IP6K2: variants seen among roughly 807,000 people sequenced by gnomAD.
IP6K2 encodes the protein ATP:1D-myo-inositol-hexakisphosphate phosphotransferase.
A neutral mutation model predicts 43.3 loss-of-function variants in IP6K2; 9 were observed. That is an observed-to-expected ratio of 0.21 (90% CI 0.13 to 0.36). IP6K2 has a LOEUF of 0.36. Among genes scored for constraint, IP6K2 ranks in the 10% least tolerant of loss-of-function variants. The pLI, the probability that IP6K2 is intolerant of heterozygous loss-of-function variation, is 1.00. For synonymous variants in IP6K2, 209 were observed against 202.4 expected (o/e 1.03, Z -0.28); for missense variants, 332 against 538.4 (o/e 0.62, Z 3.79).
chr3:48,700,241 CA>C (rs1282865216), intron 1 of IP6K2, among the ~76,000 whole-genome samples: 3 of 152,084 alleles, frequency 2.0e-5, no homozygotes, highest in Non-Finnish European at 4.4e-5. Context: ...ATCAATTTTC[CA>C]AAGATTACAA....
intron 1 of IP6K2, among the ~76,000 whole-genome samples, chr3:48,714,347 G>A (rs2080918446): frequency 6.6e-6 from 1 of 151,764 alleles, no homozygotes; most frequent in Non-Finnish European, 1.5e-5. Flanking sequence ...TGTTACTGGC[G>A]TGAGCCACCA....
At chr3:48,704,366 G>T (rs2079442398) in intron 1 of IP6K2, among the ~76,000 whole-genome samples, 1 of 151,976 alleles carries the variant, frequency 6.6e-6, no homozygotes, top group South Asian at 2.1e-4. Flanking sequence ...GGAGATGAAT[G>T]AAACAAAAAT....
At chr3:48,712,873 C>T (rs905064828) in intron 1 of IP6K2, among the ~76,000 whole-genome samples, 4 of 151,868 alleles carry the variant, frequency 2.6e-5, no homozygotes, top group Admixed American at 6.6e-5. Flanking sequence ...ATTACCCAGG[C>T]GTGGTGGCAG....
At chr3:48,710,917 G>T (rs1265903200) in intron 1 of IP6K2, among the ~76,000 whole-genome samples, 1 of 151,936 alleles carries the variant, frequency 6.6e-6, no homozygotes, top group Non-Finnish European at 1.5e-5. Flanking sequence ...CCTTGTTTTT[G>T]TTTTTTTAAC....
At chr3:48,702,714 T>TCTGACATACTCTA (rs1210053741) in intron 1 of IP6K2, among the ~76,000 whole-genome samples, 1 of 152,168 alleles carries the variant, frequency 6.6e-6, no homozygotes, top group Non-Finnish European at 1.5e-5. Flanking sequence ...CTTATCACCG[T>TCTGACATACTCTA]CTGACATACT....
Position 48,693,059 on chromosome 3 carries a change from C to G in IP6K2, c.323G>C (p.Ser108Thr). ...GTTTGTTGTCCACCTTAGGAGCTTA[C>G]TTTTTGGTTCACAGTCTGAATTATC... ...IVDNSDCEPK[S>T]KLLRWTTNKK... is the part of the protein sequence containing the mutation. The change falls in exon 3 of 6, where the codon AGT becomes ACT. Residue 108 changes from serine (S) to threonine (T), a missense_variant. Coordinates refer to ENST00000328631, the MANE Select transcript of IP6K2 (RefSeq NM_016291.4). 6.2e-7 allele frequency: 1 copy of G among 1,614,210 alleles called. No homozygotes were observed. Among genetic ancestry groups the G allele is most frequent in the Non-Finnish European group, 8.5e-7 (1 of 1,180,016 alleles).
chr3:48,693,863 A>G, intron 2 of IP6K2: 1 of 1,182,402 alleles, frequency 8.5e-7, no homozygotes, highest in Non-Finnish European at 1.0e-6. Context: ...GGGAGCACAG[A>G]CATGTGGTGG....
intron 1 of IP6K2, among the ~76,000 whole-genome samples, chr3:48,704,838 T>C (rs932329253): frequency 6.6e-6 from 1 of 151,916 alleles, no homozygotes; most frequent in Non-Finnish European, 1.5e-5. Context: ...GAGTGCATGA[T>C]CTCACCTCAC....
At chr3:48,689,827 A>G (rs2077613634) in intron 4 of IP6K2, 114 bp from the exon 5 acceptor site, 3 of 801,908 alleles carry the variant, frequency 3.7e-6, no homozygotes, top group Non-Finnish European at 5.9e-6. Flanking sequence ...CCCACAGGAG[A>G]CTCCATTAGT....
intron 1 of IP6K2, among the ~76,000 whole-genome samples, chr3:48,698,758 C>T (rs1409839605): frequency 6.6e-6 from 1 of 152,112 alleles, no homozygotes; most frequent in Admixed American, 6.6e-5. Flanking sequence ...TGGGCATGAG[C>T]CACCGTGCCC....
At chr3:48,689,464 A>G (rs1336696516) in intron 5 of IP6K2, 74 bp downstream of exon 5, 13 of 1,469,918 alleles carry the variant, frequency 8.8e-6, no homozygotes, top group Non-Finnish European at 1.1e-5. Flanking sequence ...GAATCTTTTG[A>G]GCAAACAGGA....
chr3:48,702,728 C>T lies in IP6K2; in HGVS notation c.-130-7307G>A, dbSNP rs114349932. Among the ~76,000 whole-genome samples, 927 of 152,268 alleles carry T rather than the reference C, an allele frequency of 6.1e-3. 9 individuals are homozygous for T. Among genetic ancestry groups the T allele is most frequent in the African/African-American group, 0.021 (883 of 41,530 alleles). On this transcript the variant is annotated intron_variant, in intron 1 of 5. Transcript: ENST00000328631. ...ACTTATCACCGTCTGACATACTCTA[C>T]GTTTCTTACTTGTCTTGTTAATTGT...
chr3:48,692,106 T>C (rs893604786), intron 3 of IP6K2, among the ~76,000 whole-genome samples: 2 of 152,180 alleles, frequency 1.3e-5, no homozygotes, highest in African/African-American at 4.8e-5. Context: ...GTGCTGGGAT[T>C]ACAGGCATGA....
intron 1 of IP6K2, among the ~76,000 whole-genome samples, chr3:48,705,787 G>A (rs1485863211): frequency 1.3e-5 from 2 of 150,902 alleles, no homozygotes; most frequent in Non-Finnish European, 2.9e-5. Flanking sequence ...TGGATCGATT[G>A]AGCCCAGGAG....
At chr3:48,700,843 T>C (rs568825955) in intron 1 of IP6K2, among the ~76,000 whole-genome samples, 2 of 152,212 alleles carry the variant, frequency 1.3e-5, no homozygotes, top group South Asian at 2.1e-4. Context: ...CACACTATAC[T>C]GATGGTGGAA....
At chr3:48,716,943 C>T (rs1559582286) in intron 1 of IP6K2, 1 of 152,236 alleles carries the variant, frequency 6.6e-6, no homozygotes, top group Non-Finnish European at 1.5e-5. Context: ...GGAAATCCCT[C>T]CCCCAATGAT....
chr3:48,716,443 T>G (rs915734112), intron 1 of IP6K2: 1 of 152,238 alleles, frequency 6.6e-6, no homozygotes, highest in African/African-American at 2.4e-5. Context: ...TTTCTGCTAG[T>G]GTAGCTTAGT....
intron 1 of IP6K2, among the ~76,000 whole-genome samples, chr3:48,712,367 C>A (rs112548599): frequency 1.3e-5 from 2 of 151,560 alleles, no homozygotes; most frequent in Non-Finnish European, 2.9e-5. Context: ...CTCAGCCTCC[C>A]GAGTAGCTGG....
chr3:48,692,804 G>A lies in IP6K2; in HGVS notation c.428+150C>T, dbSNP rs1669803366. 4.5e-6 allele frequency: 3 copies of A among 663,044 alleles called. No individual in the cohort carries two copies. The South Asian group carries it at 5.5e-5, about 12-fold the overall frequency. 41.1% of individuals were successfully genotyped at this position (663,044 alleles called of 1,614,324 possible). On this transcript the variant is annotated intron_variant, in intron 3 of 5. Coordinates refer to ENST00000328631, the MANE Select transcript of IP6K2 (RefSeq NM_016291.4). ...ACCAGAGTCAATTAAACAAAGAGAGGCTGAGTATGCCATGTGGGAATTAGC... is the reference window on the plus strand; with the variant it reads ...ACCAGAGTCAATTAAACAAAGAGAGACTGAGTATGCCATGTGGGAATTAGC...
Sources: allele counts gnomAD v4.1 joint callset (sites outside exome capture counted in the v4.1 genomes callset), GRCh38; gene constraint gnomAD v4.1.1; transcripts MANE v1.5; gene names NCBI Gene and HGNC (gene_info 2026-07-23, HGNC 2026-07-21).